RPGR: variants seen among roughly 807,000 people sequenced by gnomAD.
RPGR encodes the protein X-linked retinitis pigmentosa GTPase regulator.
In RPGR, 10 loss-of-function variants were observed where a neutral mutation model predicts 56.3. That is an observed-to-expected ratio of 0.18 (90% CI 0.11 to 0.30). The LOEUF (loss-of-function observed/expected upper bound fraction) is 0.30, where lower values mean the gene tolerates loss of function less well. Among genes scored for constraint, RPGR ranks in the 10% least tolerant of loss-of-function variants. The pLI is 1.00. For missense variants in RPGR, 538 were observed against 590.9 expected (o/e 0.91, Z 0.93); for synonymous variants, 197 against 212.9 (o/e 0.93, Z 0.65).
chrX:38,308,305 C>G (rs1353742739), intron 7 of RPGR: 1 of 111,921 alleles, frequency 8.9e-6, no homozygotes, highest in Non-Finnish European at 1.9e-5. Flanking sequence ...CTGGAGAGAG[C>G]AATCAATTTC....
chrX:38,293,294 G>T (rs1488703153), intron 11 of RPGR, among the ~76,000 whole-genome samples: 1 of 111,660 alleles, frequency 9.0e-6, no homozygotes, highest in African/African-American at 3.3e-5. Context: ...AATACATAAA[G>T]GAATGGGTAT....
chrX:38,304,660 T>C lies in RPGR; in HGVS notation c.909A>G (p.Gly303=). 5.0e-6 allele frequency: 6 copies of C among 1,200,688 alleles called. No individual in the cohort carries two copies. Among genetic ancestry groups the C allele is most frequent in the Non-Finnish European group, 6.8e-6 (6 of 885,489 alleles). The change falls in exon 8 of 19, where the codon GGA becomes GGG. Residue 303 remains glycine, a synonymous_variant. Transcript: ENST00000642395. ...CTGTTATCAAAGCTGTGTGATTTTC[T>C]CCACAAGAAATATAACTTATTGTTT...
chrX:38,291,789 T>C (rs75759941), intron 11 of RPGR, among the ~76,000 whole-genome samples: 8,366 of 111,947 alleles, frequency 0.075, 419 homozygotes, highest in African/African-American at 0.16. Context: ...TAGCTAGTCC[T>C]AAGAAGGGCC....
intron 9 of RPGR, among the ~76,000 whole-genome samples, chrX:38,300,160 G>C (rs2067475938): frequency 1.8e-5 from 2 of 111,441 alleles, no homozygotes; most frequent in African/African-American, 6.5e-5. Context: ...ATGTTAGCCA[G>C]GCTGGTCTTG....
At chrX:38,277,550 C>T (rs2066957891) in intron 15 of RPGR, among the ~76,000 whole-genome samples, 2 of 110,663 alleles carry the variant, frequency 1.8e-5, no homozygotes, top group Non-Finnish European at 3.8e-5. Context: ...ATTAGATTCC[C>T]CCCCATACTT....
rs886792341 is a variant in RPGR at position 38,287,727 on chromosome X, T to C, written c.1753+134A>G. On this transcript the variant is annotated intron_variant, in intron 14 of 18. Coordinates refer to ENST00000642395, the MANE Select transcript of RPGR (RefSeq NM_000328.3). The stretch of plus-strand genomic sequence containing the variant: ...CTTCTGATTCCTTCTGACTGTGTCC[T>C]CCATCACTTTCCTTTTCTATTTCCT... 4 of 612,354 alleles carry C rather than the reference T, an allele frequency of 6.5e-6. No individual in the cohort carries two copies. The African/African-American group carries it at 8.8e-5, about 13-fold the overall frequency. 50.5% of individuals were successfully genotyped at this position (612,354 alleles called of 1,213,427 possible).
intron 11 of RPGR, among the ~76,000 whole-genome samples, chrX:38,292,001 A>G (rs5963393): frequency 0.32 from 34,809 of 107,623 alleles, 5,494 homozygotes; most frequent in East Asian, 0.66. Flanking sequence ...CTCCACCCCC[A>G]GCTACACTCG....
chrX:38,284,540 A>G, intron 15 of RPGR: 2 of 750,495 alleles, frequency 2.7e-6, no homozygotes, highest in Non-Finnish European at 1.6e-6. Flanking sequence ...AGTACAGTTA[A>G]AGCTTGGAAA....
intron 13 of RPGR, among the ~76,000 whole-genome samples, chrX:38,289,826 A>G (rs919576373): frequency 1.8e-5 from 2 of 112,202 alleles, no homozygotes; most frequent in Non-Finnish European, 3.8e-5. Context: ...TAAGAGCCCT[A>G]AGAGAGGAAG....
chrX:38,319,574 G>A (rs752249435), intron 4 of RPGR, among the ~76,000 whole-genome samples: 1 of 112,014 alleles, frequency 8.9e-6, no homozygotes, highest in South Asian at 3.7e-4. Context: ...GTGGGACCTT[G>A]GGCAAGCCAT....
chrX:38,308,310 A>C (rs1285593054), intron 7 of RPGR: 1 of 112,188 alleles, frequency 8.9e-6, no homozygotes, highest in African/African-American at 3.2e-5. Flanking sequence ...GAGAGCAATC[A>C]ATTTCTGGAA....
chrX:38,310,619 G>A lies in RPGR; in HGVS notation c.774C>T (p.Leu258=). The A allele has an allele frequency of 1.7e-6, 2 of 1,210,945 alleles. No individual in the cohort carries two copies. Among genetic ancestry groups the A allele is most frequent in the Non-Finnish European group, 2.2e-6 (2 of 895,060 alleles). ...AACAGTGGACTCCACACATACCCGTGAGAACCACAGTATGCTCTCCACCAC... is the reference window on the plus strand; with the variant it reads ...AACAGTGGACTCCACACATACCCGTAAGAACCACAGTATGCTCTCCACCAC... Residue 258 remains leucine (L), a synonymous_variant, in exon 7 of 19, where the codon CTC becomes CTT. Transcript: ENST00000642395.
chrX:38,279,285 G>A, intron 15 of RPGR: 1 of 317,683 alleles, frequency 3.1e-6, no homozygotes, highest in Non-Finnish European at 6.1e-6. Flanking sequence ...TAAACAGGTA[G>A]TCTGAAATGG....
chrX:38,296,101 C>T (rs760737991), intron 11 of RPGR: 1 of 111,373 alleles, frequency 9.0e-6, no homozygotes, highest in East Asian at 2.8e-4. Context: ...ATCACAAGGT[C>T]AGGAGATCGA....
intron 15 of RPGR, among the ~76,000 whole-genome samples, chrX:38,278,454 T>C (rs1485012210): frequency 8.9e-6 from 1 of 112,281 alleles, no homozygotes; most frequent in Non-Finnish European, 1.9e-5. Context: ...TTGGCCAGGC[T>C]GGCCTCAAAC....
At chrX:38,280,805 G>T (rs1038857454) in intron 15 of RPGR, among the ~76,000 whole-genome samples, 1 of 110,415 alleles carries the variant, frequency 9.1e-6, no homozygotes, top group Admixed American at 9.7e-5. Context: ...AAAGTTCTGC[G>T]ATTACAGGTG....
intron 15 of RPGR, among the ~76,000 whole-genome samples, chrX:38,280,326 C>T (rs1339915707): frequency 9.0e-6 from 1 of 110,882 alleles, no homozygotes; most frequent in Admixed American, 9.6e-5. Flanking sequence ...TGTCCCAGAT[C>T]TTATCACTGG....
At chrX:38,312,775 C>G in intron 6 of RPGR, among the ~76,000 whole-genome samples, 1 of 111,444 alleles carries the variant, frequency 9.0e-6, no homozygotes, top group Admixed American at 9.5e-5. Flanking sequence ...GAAACCCAGT[C>G]TCTACAAAGA....
intron 16 of RPGR, chrX:38,275,245 G>T: frequency 3.1e-6 from 2 of 640,482 alleles, no homozygotes; most frequent in Non-Finnish European, 5.1e-6. Context: ...TCTGCCTCTA[G>T]CTAATGACAT....
Sources: allele counts gnomAD v4.1 joint callset (sites outside exome capture counted in the v4.1 genomes callset), GRCh38; gene constraint gnomAD v4.1.1; transcripts MANE v1.5; gene names NCBI Gene and HGNC (gene_info 2026-07-23, HGNC 2026-07-21).